The following CLTCL1 variants were observed in gnomAD, a reference collection of about 807,000 sequenced individuals.
CLTCL1 encodes clathrin heavy chain 2.
CLTCL1 carries 159 observed loss-of-function variants against 190.0 expected under a neutral mutation model. The observed-to-expected ratio is 0.84, with a 90% CI of 0.74 to 0.95. The LOEUF is 0.95. CLTCL1 is among the 40% of genes least tolerant of loss of function. The probability of loss-of-function intolerance (pLI) is 0.00; values close to 1 mark genes in which losing one functional copy is unlikely to be tolerated. For missense variants in CLTCL1, 1,878 were observed against 2,033.4 expected (o/e 0.92, Z 1.47); for synonymous variants, 752 against 769.6 (o/e 0.98, Z 0.38).
intron 3 of CLTCL1, among the ~76,000 whole-genome samples, chr22:19,250,330 C>CTTTTTT (rs35580449): frequency 1.6e-5 from 2 of 125,944 alleles, no homozygotes; most frequent in Non-Finnish European, 3.4e-5. Flanking sequence ...CTCATCTGTT[C>CTTTTTT]TTTTTTTTTT....
intron 1 of CLTCL1, among the ~76,000 whole-genome samples, chr22:19,277,116 A>G (rs1295982197): frequency 6.6e-6 from 1 of 152,008 alleles, no homozygotes; most frequent in Non-Finnish European, 1.5e-5. Flanking sequence ...AAATTGCACC[A>G]CCCTTTGGAA....
intron 2 of CLTCL1, among the ~76,000 whole-genome samples, chr22:19,254,946 A>G (rs1198308918): frequency 1.3e-5 from 2 of 152,206 alleles, no homozygotes; most frequent in African/African-American, 2.4e-5. Context: ...TACATGTAGC[A>G]ATGAACTAAA....
intron 22 of CLTCL1, among the ~76,000 whole-genome samples, chr22:19,205,529 T>C (rs1247560504): frequency 6.6e-6 from 1 of 152,114 alleles, no homozygotes. Context: ...AAAAGCACTA[T>C]TTCCTTTTGC....
At chr22:19,188,561 T>C (rs2084388654) in intron 27 of CLTCL1, among the ~76,000 whole-genome samples, 1 of 152,116 alleles carries the variant, frequency 6.6e-6, no homozygotes, top group Non-Finnish European at 1.5e-5. Context: ...TGGCTGCTGA[T>C]TCATACAAGT....
chr22:19,222,637 C>G (rs935634393), intron 15 of CLTCL1, 47 bp downstream of exon 15: 3 of 1,567,858 alleles, frequency 1.9e-6, no homozygotes, highest in Non-Finnish European at 8.7e-7. Context: ...CTGCCACTGA[C>G]TGGGGCCCAG....
intron 2 of CLTCL1, among the ~76,000 whole-genome samples, chr22:19,272,485 T>C (rs1601709888): frequency 6.6e-6 from 1 of 152,186 alleles, no homozygotes; most frequent in East Asian, 1.9e-4. Flanking sequence ...TGTTTGTTTG[T>C]TTGAGACAGA....
chr22:19,199,812 C>T lies in CLTCL1; in HGVS notation c.3795G>A (p.Glu1265=), dbSNP rs2084822634. ...GACCACACAGCTGTGCGAAGCGGAA[C>T]TCTTGTCCATCCATGCAGGCAAAGC... The part of the protein sequence containing the change: ...EVCFACMDGQ[E]FRFAQLCGLH... The change falls in exon 24 of 33, where the codon GAG becomes GAA. Residue 1265 remains glutamate (E), a synonymous_variant. Coordinates refer to ENST00000427926, the MANE Select transcript of CLTCL1 (RefSeq NM_007098.4). 1.3e-6 allele frequency: 2 copies of T among 1,597,290 alleles called. No individual in the cohort carries two copies. Among genetic ancestry groups the T allele is most frequent in the Middle Eastern group, 1.7e-4 (1 of 6,046 alleles).
chr22:19,219,629 G>A (rs904982238), intron 18 of CLTCL1, among the ~76,000 whole-genome samples: 16 of 151,914 alleles, frequency 1.1e-4, no homozygotes, highest in Non-Finnish European at 2.1e-4. Flanking sequence ...GATTACAGGC[G>A]TGTGCCACCA....
In CLTCL1 at chr22:19,253,887, T is replaced by C; in HGVS notation, c.519+72A>G. On this transcript the variant is annotated intron_variant, in intron 3 of 32. Transcript: ENST00000427926. ...GGCCCTATAACCAACTTCTAATGAT[T>C]TAACCACTCCATTCTAATATTGGGC... 3 of 1,544,180 alleles carry C rather than the reference T, an allele frequency of 1.9e-6. No individual in the cohort carries two copies. The East Asian group carries it at 7.1e-5, about 36-fold the overall frequency.
At chr22:19,180,111 A>C in intron 32 of CLTCL1, 88 bp downstream of exon 32, 2 of 1,160,792 alleles carry the variant, frequency 1.7e-6, no homozygotes. Flanking sequence ...GCCCCAAGAG[A>C]GCAGGCATCC....
At chr22:19,191,171 CT>C in intron 27 of CLTCL1, 132 bp downstream of exon 27, 1 of 1,022,242 alleles carries the variant, frequency 9.8e-7, no homozygotes, top group Non-Finnish European at 1.4e-6. Context: ...ACCTAAAACA[CT>C]TTGATACACT....
At chr22:19,197,294 C>T (rs1270579778) in intron 24 of CLTCL1, among the ~76,000 whole-genome samples, 1 of 152,108 alleles carries the variant, frequency 6.6e-6, no homozygotes, top group Non-Finnish European at 1.5e-5. Flanking sequence ...GGACACCCTT[C>T]TGTGCCCCCT....
intron 1 of CLTCL1, among the ~76,000 whole-genome samples, chr22:19,281,824 G>A (rs1555986915): frequency 1.3e-5 from 2 of 152,032 alleles, no homozygotes; most frequent in Non-Finnish European, 2.9e-5. Flanking sequence ...GAGCATAGTG[G>A]GTTCTTAAAT....
In CLTCL1 at chr22:19,216,127, CAG is replaced by C. The variant is rs1679744616; in HGVS notation, c.3047_3048del (p.Ser1016CysfsTer35). Reference protein sequence around the residue: ...ELLEKIVLDNSVFSEHRNLQN... With the variant: ...ELLEKIVLDNXVFSEHRNLQN... ...TAGCCTCACCTGTGCTCGCTGAAGA[CAG>C]AGTTATCCAGAACTATCTTCTCCAG... On this transcript the variant is annotated frameshift_variant, in exon 19 of 33. Coordinates refer to ENST00000427926, the MANE Select transcript of CLTCL1 (RefSeq NM_007098.4). LOFTEE classifies it high-confidence loss of function. 6.2e-7 allele frequency: 1 copy of C among 1,613,788 alleles called. No individual in the cohort carries two copies. Among genetic ancestry groups the C allele is most frequent in the South Asian group, 1.1e-5 (1 of 91,052 alleles).
intron 10 of CLTCL1, 117 bp from the exon 11 acceptor site, chr22:19,230,092 C>T (rs76247043): frequency 0.11 from 67,490 of 625,686 alleles, 2,064 homozygotes; most frequent in South Asian, 0.21. Context: ...TTAGTTCCCT[C>T]CCTTGGTTTT....
At chr22:19,257,058 C>A (rs1306598933) in intron 2 of CLTCL1, among the ~76,000 whole-genome samples, 1 of 152,088 alleles carries the variant, frequency 6.6e-6, no homozygotes, top group African/African-American at 2.4e-5. Context: ...ACTCAATAGG[C>A]CCAAACACAT....
chr22:19,274,145 A>C (rs1188119111), intron 2 of CLTCL1, among the ~76,000 whole-genome samples: 2 of 152,114 alleles, frequency 1.3e-5, no homozygotes, highest in Admixed American at 6.6e-5. Flanking sequence ...CGCAAACAAC[A>C]TGCTAAATAA....
At chr22:19,251,357 T>G (rs2086584539) in intron 3 of CLTCL1, among the ~76,000 whole-genome samples, 1 of 152,244 alleles carries the variant, frequency 6.6e-6, no homozygotes, top group Non-Finnish European at 1.5e-5. Flanking sequence ...TTATTAGTTC[T>G]AATAGTTTTT....
intron 24 of CLTCL1, among the ~76,000 whole-genome samples, chr22:19,197,098 C>T (rs1451385066): frequency 2.0e-5 from 3 of 152,144 alleles, no homozygotes; most frequent in Non-Finnish European, 2.9e-5. Flanking sequence ...CAGCCCCTTG[C>T]ATTCAGCCCC....
Sources: allele counts gnomAD v4.1 joint callset (sites outside exome capture counted in the v4.1 genomes callset), GRCh38; gene constraint gnomAD v4.1.1; transcripts MANE v1.5; gene names NCBI Gene and HGNC (gene_info 2026-07-23, HGNC 2026-07-21).